The following LRMDA variants were observed in gnomAD, a reference collection of about 807,000 sequenced individuals.
LRMDA encodes leucine-rich melanocyte differentiation-associated protein.
A neutral mutation model predicts 29.8 loss-of-function variants in LRMDA; 18 were observed. The ratio of observed to expected loss-of-function variants is 0.60; its 90% CI spans 0.42 to 0.90. The LOEUF (loss-of-function observed/expected upper bound fraction) is 0.90. LRMDA is among the 40% of genes least tolerant of loss of function. The pLI is 0.00. For synonymous variants in LRMDA, 125 were observed against 109.4 expected (o/e 1.14, Z -0.89); for missense variants, 273 against 273.9 (o/e 1.00, Z 0.02).
chr10:75,608,442 C>T (rs11816952), intron 2 of LRMDA, among the ~76,000 whole-genome samples: 77,148 of 151,608 alleles, frequency 0.51, 22,183 homozygotes, highest in Non-Finnish European at 0.63. Flanking sequence ...TAATAATATA[C>T]CACTGTATAC....
chr10:75,997,389 A>G (rs567942022), intron 2 of LRMDA, among the ~76,000 whole-genome samples: 38 of 151,794 alleles, frequency 2.5e-4, no homozygotes, highest in Non-Finnish European at 5.1e-4. Context: ...GGATTATAAT[A>G]TTGTTGAGTA....
At chr10:75,700,896 A>G (rs1842300099) in intron 2 of LRMDA, among the ~76,000 whole-genome samples, 1 of 152,220 alleles carries the variant, frequency 6.6e-6, no homozygotes, top group African/African-American at 2.4e-5. Context: ...GTTCGATTCC[A>G]AAGCATGTGA....
At chr10:75,456,868 G>T (rs899833393) in intron 2 of LRMDA, among the ~76,000 whole-genome samples, 2 of 152,058 alleles carry the variant, frequency 1.3e-5, no homozygotes, top group Non-Finnish European at 2.9e-5. Flanking sequence ...GAGAGTCAGG[G>T]TTTCACCATT....
chr10:75,978,258 G>T (rs1847108168), intron 2 of LRMDA, among the ~76,000 whole-genome samples: 1 of 152,216 alleles, frequency 6.6e-6, no homozygotes, highest in Admixed American at 6.5e-5. Context: ...TGCAGGGCTG[G>T]TGTGATAATT....
intron 5 of LRMDA, among the ~76,000 whole-genome samples, chr10:76,062,103 A>G (rs1848710440): frequency 6.6e-6 from 1 of 152,162 alleles, no homozygotes; most frequent in African/African-American, 2.4e-5. Flanking sequence ...AGTGGCAAGC[A>G]ATTTCCTTTC....
intron 6 of LRMDA, among the ~76,000 whole-genome samples, chr10:76,335,219 G>A (rs1840952646): frequency 6.6e-6 from 1 of 152,224 alleles, no homozygotes; most frequent in African/African-American, 2.4e-5. Flanking sequence ...CTAGGGTGAA[G>A]TAAAATTTAA....
chr10:76,363,855 CAAG>C (rs1409440650), intron 6 of LRMDA, among the ~76,000 whole-genome samples: 2 of 152,146 alleles, frequency 1.3e-5, no homozygotes, highest in Non-Finnish European at 1.5e-5. Flanking sequence ...TTCCCAAAGA[CAAG>C]GAGTGAAATG....
intron 5 of LRMDA, among the ~76,000 whole-genome samples, chr10:76,187,679 G>A (rs1393285210): frequency 6.6e-6 from 1 of 152,106 alleles, no homozygotes; most frequent in Admixed American, 6.6e-5. Flanking sequence ...TGCTGGTATG[G>A]GGACAGAGGT....
chr10:75,509,127 G>C (rs748460835), intron 2 of LRMDA, among the ~76,000 whole-genome samples: 2 of 152,116 alleles, frequency 1.3e-5, no homozygotes, highest in Non-Finnish European at 2.9e-5. Flanking sequence ...GGTGTTTTAG[G>C]GTGGTGACAG....
intron 6 of LRMDA, among the ~76,000 whole-genome samples, chr10:76,432,855 C>T (rs576762124): frequency 9.0e-4 from 137 of 152,274 alleles, no homozygotes; most frequent in Non-Finnish European, 1.7e-3. Flanking sequence ...CCTCATTGCC[C>T]CCTCCCCACA....
chr10:75,943,491 T>G (rs978054533), intron 2 of LRMDA, among the ~76,000 whole-genome samples: 2 of 152,228 alleles, frequency 1.3e-5, no homozygotes, highest in African/African-American at 4.8e-5. Flanking sequence ...ACTGCTGTAC[T>G]TTATTCTTAC....
At chr10:76,097,000 A>C (rs138545275) in intron 5 of LRMDA, among the ~76,000 whole-genome samples, 1 of 48,596 alleles carries the variant, frequency 2.1e-5, no homozygotes, top group East Asian at 2.5e-4. Context: ...TTTTATTTTT[A>C]TTTTATTTTA....
rs537970845 is a variant in LRMDA, at chr10:76,376,669, C to T, written c.601+52184C>T. Among the ~76,000 whole-genome samples, 53 of 152,138 alleles carry T rather than the reference C, an allele frequency of 3.5e-4. No individual in the cohort carries two copies. The South Asian group carries it at 8.9e-3, about 26-fold the overall frequency. On this transcript the variant is annotated intron_variant, in intron 6 of 6. Transcript: ENST00000611255. ...CTATTTTCCATAAAGGTTGTACTTT[C>T]ATTCCCACCAGTAGGGTATAAGCAT...
intron 6 of LRMDA, among the ~76,000 whole-genome samples, chr10:76,416,597 ACAAAT>A (rs1363613773): frequency 6.6e-6 from 1 of 152,240 alleles, no homozygotes; most frequent in Non-Finnish European, 1.5e-5. Context: ...CCAAATAAAA[ACAAAT>A]CAAAACAAAA....
chr10:75,516,333 C>T (rs1316959373), intron 2 of LRMDA, among the ~76,000 whole-genome samples: 9 of 152,144 alleles, frequency 5.9e-5, no homozygotes, highest in African/African-American at 1.2e-4. Flanking sequence ...AGTGTGAAAG[C>T]GTTCCTATTT....
intron 6 of LRMDA, among the ~76,000 whole-genome samples, chr10:76,402,801 CTTAAT>C (rs1384987976): frequency 3.3e-5 from 5 of 152,190 alleles, no homozygotes; most frequent in Non-Finnish European, 7.3e-5. Context: ...CATTTTCTAC[CTTAAT>C]TTAATTCCTT....
chr10:75,489,226 TAAAAAA>T (rs33952475), intron 2 of LRMDA, among the ~76,000 whole-genome samples: 9 of 132,074 alleles, frequency 6.8e-5, no homozygotes, highest in Non-Finnish European at 1.3e-4. Flanking sequence ...GGATTTTTAG[TAAAAAA>T]AAAAAAAAAA....
intron 2 of LRMDA, among the ~76,000 whole-genome samples, chr10:75,749,911 A>G (rs1038579360): frequency 1.3e-5 from 2 of 152,218 alleles, no homozygotes; most frequent in African/African-American, 4.8e-5. Flanking sequence ...CCCTGAGTGG[A>G]CACACCACAT....
chr10:76,518,216 A>G (rs1843081226), intron 6 of LRMDA, among the ~76,000 whole-genome samples: 1 of 151,906 alleles, frequency 6.6e-6, no homozygotes, highest in African/African-American at 2.4e-5. Context: ...CAAAATGAGA[A>G]TATCTATCTA....
Sources: gnomAD v4.1 joint callset for allele counts (sites outside exome capture counted in the v4.1 genomes callset) on GRCh38, gnomAD v4.1.1 for gene constraint, MANE v1.5 for transcripts, NCBI Gene and HGNC (gene_info 2026-07-23, HGNC 2026-07-21) for gene names.